Variants in CDH18 observed in about 807,000 individuals in gnomAD.
CDH18 encodes the protein cadherin-18.
CDH18 carries 31 observed loss-of-function variants against 67.9 expected under a neutral mutation model. That is an observed-to-expected ratio of 0.46 (90% confidence interval 0.34 to 0.62). The LOEUF (loss-of-function observed/expected upper bound fraction) is 0.62. Among genes scored for constraint, CDH18 ranks in the 20% least tolerant of loss-of-function variants. The pLI is 0.01. For synonymous variants in CDH18, 362 were observed against 347.2 expected, an observed-to-expected ratio of 1.04 and a Z score of -0.48; for missense variants, 890 against 975.5, an observed-to-expected ratio of 0.91 and a Z score of 1.17.
intron 5 of CDH18, among the ~76,000 whole-genome samples, chr5:19,614,962 A>G (rs1749578994): frequency 6.6e-6 from 1 of 152,102 alleles, no homozygotes; most frequent in Admixed American, 6.6e-5. Flanking sequence ...CCTGGCTAAC[A>G]TGGTGAAACC....
At chr5:19,480,535 G>C (rs886458962) in intron 12 of CDH18, among the ~76,000 whole-genome samples, 1 of 151,512 alleles carries the variant, frequency 6.6e-6, no homozygotes. Context: ...CCGCCACCAA[G>C]CCCGACTAAT....
chr5:19,693,609 G>C (rs947395311), intron 5 of CDH18, among the ~76,000 whole-genome samples: 2 of 152,076 alleles, frequency 1.3e-5, no homozygotes, highest in Non-Finnish European at 2.9e-5. Flanking sequence ...AAAATCATGA[G>C]AGGAAGGCCA....
chr5:20,474,644 G>GA lies in CDH18; in HGVS notation c.-580+100817dup, dbSNP rs1752312799. On this transcript the variant is annotated intron_variant, in intron 1 of 14. Transcript: ENST00000507958. ...AAAGACTAAAATGAATGTCTAAAAA[G>GA]AAATAGTGATTGACCTTAATTCACA... Among the ~76,000 whole-genome samples, 14 of 152,292 alleles carry GA rather than the reference G, an allele frequency of 9.2e-5. No homozygotes were observed. The South Asian group carries it at 2.9e-3, about 32-fold the overall frequency.
At chr5:20,419,235 A>G (rs948903886) in intron 1 of CDH18, among the ~76,000 whole-genome samples, 8 of 151,890 alleles carry the variant, frequency 5.3e-5, no homozygotes, top group African/African-American at 1.7e-4. Context: ...GTCTGCTGCT[A>G]TGATTCTGAG....
chr5:19,927,983 CTTG>C (rs1009647085), intron 2 of CDH18, among the ~76,000 whole-genome samples: 14 of 152,146 alleles, frequency 9.2e-5, no homozygotes, highest in Non-Finnish European at 1.3e-4. Context: ...TCCATCCTAT[CTTG>C]TTGTGTTTAT....
In CDH18 at chr5:20,445,001, A is replaced by G. The variant is rs78699019; in HGVS notation, c.-580+130461T>C. Among the ~76,000 whole-genome samples the G allele has an allele frequency of 4.4e-3, 668 of 152,282 alleles. 3 individuals are homozygous for G. Among genetic ancestry groups the G allele is most frequent in the African/African-American group, 0.015 (634 of 41,552 alleles). The stretch of plus-strand genomic sequence containing the variant: ...TTCACAGACAGAGCCACAAATTTTA[A>G]GCTTTGTTGACCGTCTAAAGCTTTC... On this transcript the variant is annotated intron_variant, in intron 1 of 14. Coordinates refer to the CDH18 transcript ENST00000507958.
chr5:20,378,041 T>C (rs1323508739), intron 1 of CDH18, among the ~76,000 whole-genome samples: 1 of 152,198 alleles, frequency 6.6e-6, no homozygotes, highest in African/African-American at 2.4e-5. Flanking sequence ...TGTCATCTGA[T>C]CATTTACATC....
intron 10 of CDH18, among the ~76,000 whole-genome samples, chr5:19,516,540 C>T (rs181975904): frequency 2.4e-4 from 37 of 152,150 alleles, no homozygotes; most frequent in African/African-American, 8.9e-4. Context: ...TGTTATTGGT[C>T]TATTCAGCGA....
intron 1 of CDH18, among the ~76,000 whole-genome samples, chr5:20,338,037 C>G (rs1739932755): frequency 6.6e-6 from 1 of 152,114 alleles, no homozygotes; most frequent in Non-Finnish European, 1.5e-5. Flanking sequence ...TGAGACCCAC[C>G]AACCACCAGG....
intron 5 of CDH18, among the ~76,000 whole-genome samples, chr5:19,625,975 C>T (rs987728842): frequency 6.6e-5 from 10 of 152,112 alleles, no homozygotes; most frequent in African/African-American, 2.2e-4. Flanking sequence ...AAAGCATCTG[C>T]CAGCCTAAAC....
intron 2 of CDH18, among the ~76,000 whole-genome samples, chr5:20,047,349 C>A (rs1419350493): frequency 6.6e-6 from 1 of 151,772 alleles, no homozygotes; most frequent in Non-Finnish European, 1.5e-5. Flanking sequence ...GAAATTATAG[C>A]TAATAGATAA....
chr5:20,217,801 AAAAT>A, intron 2 of CDH18, among the ~76,000 whole-genome samples: 1 of 151,974 alleles, frequency 6.6e-6, no homozygotes, highest in Admixed American at 6.6e-5. Flanking sequence ...AACAAAATGA[AAAAT>A]AAAGAGATGA....
chr5:19,837,761 AT>A (rs200737503), intron 3 of CDH18, among the ~76,000 whole-genome samples: 19 of 151,058 alleles, frequency 1.3e-4, no homozygotes, highest in African/African-American at 4.4e-4. Context: ...ATGGAATACT[AT>A]TTTTTTTAGT....
intron 2 of CDH18, among the ~76,000 whole-genome samples, chr5:20,024,531 G>A (rs2150439522): frequency 6.6e-6 from 1 of 152,258 alleles, no homozygotes; most frequent in African/African-American, 2.4e-5. Flanking sequence ...TGTAACCACG[G>A]CAAAGAGAAA....
At chr5:19,551,245 C>T (rs563761804) in intron 8 of CDH18, among the ~76,000 whole-genome samples, 1 of 152,208 alleles carries the variant, frequency 6.6e-6, no homozygotes, top group South Asian at 2.1e-4. Flanking sequence ...GAGGTAGTAA[C>T]CTCTTTGAAG....
intron 3 of CDH18, among the ~76,000 whole-genome samples, chr5:19,749,537 A>T (rs192883687): frequency 6.6e-6 from 1 of 151,262 alleles, no homozygotes; most frequent in Admixed American, 6.6e-5. Flanking sequence ...TTTTATTACT[A>T]ACAAAATGTA....
intron 2 of CDH18, among the ~76,000 whole-genome samples, chr5:19,956,502 T>C (rs1349580917): frequency 6.6e-6 from 1 of 151,408 alleles, no homozygotes; most frequent in Non-Finnish European, 1.5e-5. Flanking sequence ...CTCCTTATAA[T>C]TTTCTGTACA....
chr5:19,722,605 A>G (rs573078869), intron 4 of CDH18, among the ~76,000 whole-genome samples: 6 of 151,730 alleles, frequency 4.0e-5, no homozygotes, highest in Non-Finnish European at 7.4e-5. Context: ...TAATCTAAGT[A>G]TAACATGACA....
At chr5:20,111,694 G>A (rs1369801255) in intron 2 of CDH18, among the ~76,000 whole-genome samples, 11 of 151,528 alleles carry the variant, frequency 7.3e-5, no homozygotes, top group East Asian at 2.0e-4. Flanking sequence ...ACAAGAGTGC[G>A]CCACCACACC....
Sources: gnomAD v4.1 joint callset for allele counts (sites outside exome capture counted in the v4.1 genomes callset) on GRCh38, gnomAD v4.1.1 for gene constraint, MANE v1.5 for transcripts, NCBI Gene and HGNC (gene_info 2026-07-23, HGNC 2026-07-21) for gene names.